SLC9A9: variants seen among roughly 807,000 people sequenced by gnomAD.
SLC9A9 encodes sodium/hydrogen exchanger 9.
In SLC9A9, 62 loss-of-function variants were observed where a neutral mutation model predicts 77.8. That is an observed-to-expected ratio of 0.80 (90% CI 0.65 to 0.98). SLC9A9 has a LOEUF of 0.98. Ranked by LOEUF, SLC9A9 falls within the 50% of genes least tolerant of loss-of-function variation. The pLI is 0.00. For synonymous variants in SLC9A9, 320 were observed against 283.5 expected (o/e 1.13, Z -1.29); for missense variants, 775 against 774.9 (o/e 1.00, Z 0.00).
intron 6 of SLC9A9, among the ~76,000 whole-genome samples, chr3:143,618,591 T>C (rs1297649754): frequency 2.6e-5 from 4 of 152,174 alleles, no homozygotes; most frequent in Non-Finnish European, 5.9e-5. Context: ...TGGTTCCTGC[T>C]GGTGAGAGAG....
At chr3:143,693,415 A>G in intron 4 of SLC9A9, 108 bp from the exon 5 acceptor site, 1 of 877,344 alleles carries the variant, frequency 1.1e-6, no homozygotes, top group Non-Finnish European at 1.9e-6. Flanking sequence ...ATCATGCACA[A>G]ATTGCCACCA....
At chr3:143,824,975 G>A (rs971802336) in intron 2 of SLC9A9, among the ~76,000 whole-genome samples, 1 of 152,146 alleles carries the variant, frequency 6.6e-6, no homozygotes, top group Non-Finnish European at 1.5e-5. Context: ...GACATTCTCT[G>A]GAACCATCTC....
chr3:143,559,514 T>C (rs1264941098), intron 8 of SLC9A9, among the ~76,000 whole-genome samples: 1 of 152,210 alleles, frequency 6.6e-6, no homozygotes, highest in Non-Finnish European at 1.5e-5. Flanking sequence ...TTTTCCTATG[T>C]ATTACTTCAT....
intron 9 of SLC9A9, among the ~76,000 whole-genome samples, chr3:143,506,546 T>G (rs1215164417): frequency 6.6e-6 from 1 of 152,208 alleles, no homozygotes; most frequent in Non-Finnish European, 1.5e-5. Context: ...GTTGCAGCAG[T>G]AGGCAATTCC....
At chr3:143,432,828 A>G (rs1000128755) in intron 12 of SLC9A9, among the ~76,000 whole-genome samples, 1 of 152,202 alleles carries the variant, frequency 6.6e-6, no homozygotes, top group African/African-American at 2.4e-5. Context: ...GGGTTTCACC[A>G]TGTTAGCTAG....
intron 12 of SLC9A9, among the ~76,000 whole-genome samples, chr3:143,445,688 T>C: frequency 6.6e-6 from 1 of 152,192 alleles, no homozygotes; most frequent in East Asian, 1.9e-4. Flanking sequence ...TTTATGGTTG[T>C]AAACCATTGT....
At chr3:143,517,306 G>T in intron 9 of SLC9A9, 1 of 1,238,092 alleles carries the variant, frequency 8.1e-7, no homozygotes, top group East Asian at 2.3e-5. Context: ...CAGGCATTCC[G>T]GCCATTCCAG....
chr3:143,598,771 C>T (rs552541696), intron 6 of SLC9A9, among the ~76,000 whole-genome samples: 1 of 152,314 alleles, frequency 6.6e-6, no homozygotes, highest in East Asian at 1.9e-4. Context: ...TTAGAGGAAG[C>T]GTGCTGCCTG....
intron 9 of SLC9A9, among the ~76,000 whole-genome samples, chr3:143,542,811 C>A (rs1363554288): frequency 1.3e-5 from 2 of 152,170 alleles, no homozygotes; most frequent in Non-Finnish European, 2.9e-5. Flanking sequence ...ATTTATCTAG[C>A]TCCTAAGTTC....
intron 14 of SLC9A9, among the ~76,000 whole-genome samples, chr3:143,352,336 A>G (rs2032480051): frequency 6.6e-6 from 1 of 152,224 alleles, no homozygotes; most frequent in Admixed American, 6.5e-5. Context: ...AGGATTAAGG[A>G]AAGATTTGCT....
At chr3:143,633,662 A>G (rs2038465206) in intron 6 of SLC9A9, among the ~76,000 whole-genome samples, 1 of 152,202 alleles carries the variant, frequency 6.6e-6, no homozygotes, top group Admixed American at 6.5e-5. Flanking sequence ...GCACATTTAA[A>G]TTTTGGCTGA....
At chr3:143,651,143 T>C (rs1419882456) in intron 6 of SLC9A9, among the ~76,000 whole-genome samples, 1 of 152,248 alleles carries the variant, frequency 6.6e-6, no homozygotes, top group Non-Finnish European at 1.5e-5. Flanking sequence ...GGATTCCTGA[T>C]GTCCTAATTA....
Position 143,454,775 on chromosome 3 carries a change from T to C in SLC9A9, c.1469+12262A>G, listed in dbSNP as rs59334846. Reference sequence around the variant, plus strand: ...TTCTTGTGGGCAGAATTCATTTCCTTGAGGTGTAAACTATGGCTCCCTTTT... The same window carrying C: ...TTCTTGTGGGCAGAATTCATTTCCTCGAGGTGTAAACTATGGCTCCCTTTT... On this transcript the variant is annotated intron_variant, in intron 12 of 15. Transcript: ENST00000316549. Among the ~76,000 whole-genome samples the C allele has an allele frequency of 9.0e-3, 1,364 of 152,308 alleles. 26 individuals are homozygous for C. Among genetic ancestry groups the C allele is most frequent in the African/African-American group, 0.031 (1,298 of 41,572 alleles).
At chr3:143,818,320 T>A (rs376749226) in intron 2 of SLC9A9, among the ~76,000 whole-genome samples, 6 of 152,064 alleles carry the variant, frequency 3.9e-5, no homozygotes, top group East Asian at 3.9e-4. Flanking sequence ...ATATATATAT[T>A]TTTTGAAACA....
At position 143,641,646 on chromosome 3, in the gene SLC9A9, G is replaced by A. The variant is rs187593661; in HGVS notation, c.755+10609C>T. Among the ~76,000 whole-genome samples the A allele has an allele frequency of 2.0e-5, 3 of 152,234 alleles. No individual in the cohort carries two copies. The East Asian group carries it at 5.8e-4, about 29-fold the overall frequency. On this transcript the variant is annotated intron_variant, in intron 6 of 15. Coordinates refer to ENST00000316549, the MANE Select transcript of SLC9A9 (RefSeq NM_173653.4). ...CTGACCTCGTGATCCGCCAGCCTTG[G>A]CCTCCCAAAGTGCTGGGATTACAGG...
At chr3:143,633,157 A>T (rs982763303) in intron 6 of SLC9A9, among the ~76,000 whole-genome samples, 1 of 152,224 alleles carries the variant, frequency 6.6e-6, no homozygotes, top group Non-Finnish European at 1.5e-5. Context: ...GCCAACTCTT[A>T]TGCTAGTTAT....
intron 4 of SLC9A9, among the ~76,000 whole-genome samples, chr3:143,750,588 G>T (rs1053837695): frequency 4.6e-5 from 7 of 152,038 alleles, no homozygotes; most frequent in African/African-American, 1.7e-4. Context: ...AGACAAATCT[G>T]CCTGCTGTCC....
chr3:143,422,532 G>A (rs1445365483), intron 12 of SLC9A9, among the ~76,000 whole-genome samples: 1 of 152,070 alleles, frequency 6.6e-6, no homozygotes, highest in African/African-American at 2.4e-5. Flanking sequence ...CTTATAAGTG[G>A]GAGCTAAACA....
intron 12 of SLC9A9, among the ~76,000 whole-genome samples, chr3:143,394,196 A>T (rs977753036): frequency 5.9e-5 from 9 of 152,212 alleles, no homozygotes; most frequent in Non-Finnish European, 1.0e-4. Flanking sequence ...CAATGCAAAA[A>T]TCCTCAATAA....
Sources: gnomAD v4.1 joint callset for allele counts (sites outside exome capture counted in the v4.1 genomes callset) on GRCh38, gnomAD v4.1.1 for gene constraint, MANE v1.5 for transcripts, NCBI Gene and HGNC (gene_info 2026-07-23, HGNC 2026-07-21) for gene names.